The following PBX4 variants were observed in gnomAD, a reference collection of about 807,000 sequenced individuals.
The protein encoded by PBX4 is PBX homeobox 4, also known as pre-B-cell leukemia transcription factor 4.
PBX4 carries 26 observed loss-of-function variants against 35.1 expected under a neutral mutation model. That is an observed-to-expected ratio of 0.74 (90% CI 0.54 to 1.03). The LOEUF (loss-of-function observed/expected upper bound fraction) is 1.03, where lower values mean the gene tolerates loss of function less well. Ranked by LOEUF, PBX4 falls within the 50% of genes least tolerant of loss-of-function variation. PBX4 has a pLI of 0.00. For missense variants in PBX4, 448 were observed against 504.3 expected (o/e 0.89, Z 1.07); for synonymous variants, 199 against 204.2 (o/e 0.97, Z 0.22).
At chr19:19,611,179 T>C (rs1285511335) in intron 1 of PBX4, among the ~76,000 whole-genome samples, 1 of 152,180 alleles carries the variant, frequency 6.6e-6, no homozygotes, top group Non-Finnish European at 1.5e-5. Flanking sequence ...ATTGCAAAAG[T>C]ACCAAGCCTA....
In PBX4 at chr19:19,563,762, G is replaced by A. The variant is rs912065788; in HGVS notation, c.926-147C>T. ...CTGCTCCTCAGCCCCCACCCAGGCA[G>A]GCCAGCGGGCCCTCCCCACCACACT... On this transcript the variant is annotated intron_variant, in intron 6 of 7. Transcript: ENST00000251203. The surrounding 1 kb of genome is among the most constrained non-coding windows in gnomAD (Gnocchi z 5.1). 2 of 691,304 alleles carry A rather than the reference G, an allele frequency of 2.9e-6. No individual in the cohort carries two copies. Among genetic ancestry groups the A allele is most frequent in the African/African-American group, 1.8e-5 (1 of 56,332 alleles). The allele number at this position is 691,304 out of a possible 1,614,324, so 42.8% of individuals were successfully genotyped here. A position where few individuals can be genotyped will look rare whatever the true frequency, so the allele number is the denominator to read the frequency against.
At chr19:19,605,199 C>T (rs1192075137) in intron 1 of PBX4, among the ~76,000 whole-genome samples, 9 of 151,028 alleles carry the variant, frequency 6.0e-5, no homozygotes, top group Non-Finnish European at 1.0e-4. Flanking sequence ...AGGTGGATCA[C>T]GAGGCCAAAA....
At chr19:19,595,374 G>C (rs971383834) in intron 2 of PBX4, among the ~76,000 whole-genome samples, 4 of 152,114 alleles carry the variant, frequency 2.6e-5, no homozygotes, top group Non-Finnish European at 5.9e-5. Flanking sequence ...GGCTCATTCG[G>C]GTACAGGGCC....
At chr19:19,600,792 G>C (rs2061592613) in intron 1 of PBX4, among the ~76,000 whole-genome samples, 1 of 141,498 alleles carries the variant, frequency 7.1e-6, no homozygotes, top group African/African-American at 2.7e-5. Flanking sequence ...ACTCCAGCCT[G>C]GGCAACAGAG....
At chr19:19,614,939 C>A (rs989551690) in intron 1 of PBX4, among the ~76,000 whole-genome samples, 2 of 151,552 alleles carry the variant, frequency 1.3e-5, no homozygotes. Context: ...GTGGGTGGAT[C>A]ATTTGAGGTC....
intron 1 of PBX4, among the ~76,000 whole-genome samples, chr19:19,605,466 C>T (rs2061625244): frequency 1.8e-5 from 2 of 111,112 alleles, no homozygotes; most frequent in African/African-American, 5.6e-5. Context: ...AATAATAATA[C>T]AAAAAGTAAA....
At position 19,577,054 on chromosome 19, in the gene PBX4, A is replaced by G. The variant is rs903392715; in HGVS notation, c.194-6221T>C. ...ACCAGCCTGGCCAACATGGTGAAAC[A>G]CCATCTCTACTAAAAATACAAAATT... On this transcript the variant is annotated intron_variant, in intron 2 of 7. Coordinates refer to ENST00000251203, the MANE Select transcript of PBX4 (RefSeq NM_025245.3). Among the ~76,000 whole-genome samples, 10 of 152,108 alleles carry G rather than the reference A, an allele frequency of 6.6e-5. No homozygotes were observed. The East Asian group carries it at 1.9e-3, about 29-fold the overall frequency.
At chr19:19,588,374 C>T (rs2061504073) in intron 2 of PBX4, 6 of 1,350,328 alleles carry the variant, frequency 4.4e-6, no homozygotes, top group Admixed American at 1.7e-5. Context: ...GCAACACCAG[C>T]CTGCTTGCGG....
chr19:19,574,288 C>T (rs1290885288), intron 2 of PBX4, among the ~76,000 whole-genome samples: 5 of 152,250 alleles, frequency 3.3e-5, no homozygotes, highest in Non-Finnish European at 7.3e-5. Context: ...ATTCCTCAAA[C>T]TGCTTTTGTG....
In PBX4 at chr19:19,618,557, G is replaced by T; in HGVS notation, c.73C>A (p.Gln25Lys). Residue 25 changes from glutamine (Q) to lysine (K), a missense_variant, in exon 1 of 8, where the codon CAG (glutamine) becomes AAG (lysine). Coordinates refer to ENST00000251203, the MANE Select transcript of PBX4 (RefSeq NM_025245.3). ...CTCTGGTCGGTGATGGCCATGATCT[G>T]CTGCAGGACGTCGCTCGTGTCGAGG... The part of the protein sequence containing the change: ...RRLDTSDVLQ[Q>K]IMAITDQSLD... The T allele has an allele frequency of 7.1e-7, 1 of 1,407,326 alleles. No homozygotes were observed. Among genetic ancestry groups the T allele is most frequent in the East Asian group, 2.8e-5 (1 of 35,544 alleles). The allele number at this position is 1,407,326 out of a possible 1,614,324, so 87.2% of individuals were successfully genotyped here.
chr19:19,583,601 AC>A (rs565529329), intron 2 of PBX4, among the ~76,000 whole-genome samples: 1 of 151,720 alleles, frequency 6.6e-6, no homozygotes, highest in African/African-American at 2.4e-5. Context: ...ACAAAGTAAG[AC>A]CCCCTCTCCC....
Position 19,571,718 on chromosome 19 carries a change from T to G in PBX4, c.194-885A>C, listed in dbSNP as rs957775605. 2.0e-5 allele frequency among the ~76,000 whole-genome samples: 3 copies of G among 152,108 alleles called. No homozygotes were observed. In the South Asian group the frequency reaches 6.2e-4, roughly 32 times the overall value. On this transcript the variant is annotated intron_variant, in intron 2 of 7. Coordinates refer to ENST00000251203, the MANE Select transcript of PBX4 (RefSeq NM_025245.3). ...GTAAAAAGCCTGGAGCTGCAGCTTG[T>G]GCAGGTGGGGCTGAGTGAAAAGGTG...
intron 1 of PBX4, among the ~76,000 whole-genome samples, chr19:19,599,881 G>C (rs1334368248): frequency 6.6e-6 from 1 of 151,698 alleles, no homozygotes; most frequent in Admixed American, 6.6e-5. Context: ...GCTGAGGCAG[G>C]AGAATTGCTT....
At chr19:19,606,948 G>A (rs957941609) in intron 1 of PBX4, among the ~76,000 whole-genome samples, 3 of 152,076 alleles carry the variant, frequency 2.0e-5, no homozygotes, top group East Asian at 1.9e-4. Context: ...CCAAGATCGC[G>A]CCACTGAACT....
intron 2 of PBX4, among the ~76,000 whole-genome samples, chr19:19,579,637 T>A (rs553728790): frequency 6.6e-6 from 1 of 152,158 alleles, no homozygotes; most frequent in Non-Finnish European, 1.5e-5. Context: ...GGCTAACCCA[T>A]GGATTAAATC....
chr19:19,566,587 C>T (rs564108338), intron 5 of PBX4, among the ~76,000 whole-genome samples: 37 of 151,932 alleles, frequency 2.4e-4, no homozygotes, highest in Non-Finnish European at 2.8e-4. Context: ...TGCAGCGGTG[C>T]GATCTCAGCT....
At chr19:19,601,990 C>A (rs149100948) in intron 1 of PBX4, among the ~76,000 whole-genome samples, 7 of 152,174 alleles carry the variant, frequency 4.6e-5, no homozygotes, top group Non-Finnish European at 8.8e-5. Context: ...GAGGCACGCA[C>A]CAACACACCT....
chr19:19,573,330 T>TACACAC (rs397838081), intron 2 of PBX4, among the ~76,000 whole-genome samples: 1,770 of 133,330 alleles, frequency 0.013, 34 homozygotes, highest in East Asian at 0.029. Flanking sequence ...AAAAAAAATA[T>TACACAC]ACACACACAC....
At chr19:19,618,392 C>T in intron 1 of PBX4, 119 bp downstream of exon 1, 1 of 938,050 alleles carries the variant, frequency 1.1e-6, no homozygotes, top group Non-Finnish European at 1.4e-6. Context: ...GTCCTCGGGA[C>T]CCCCCTCCAG....
Sources: allele counts gnomAD v4.1 joint callset (sites outside exome capture counted in the v4.1 genomes callset), GRCh38; gene constraint gnomAD v4.1.1; non-coding constraint Gnocchi (gnomAD v3.1); transcripts MANE v1.5; gene names NCBI Gene and HGNC (gene_info 2026-07-23, HGNC 2026-07-21).